Variants in TANGO6 observed in about 807,000 individuals in gnomAD.
TANGO6 encodes the protein transport and golgi organization 6 homolog, also known as transport and Golgi organization protein 6 homolog.
Under a neutral mutation model 114.2 loss-of-function variants are expected in TANGO6, and 90 were observed. The observed-to-expected ratio is 0.79, with a 90% confidence interval of 0.66 to 0.94. TANGO6 has a LOEUF of 0.94. Ranked by LOEUF, TANGO6 falls within the 40% of genes least tolerant of loss-of-function variation. The pLI is 0.00. For synonymous variants in TANGO6, 477 were observed against 509.8 expected (o/e 0.94, Z 0.87); for missense variants, 1,274 against 1,315.3 (o/e 0.97, Z 0.49).
At chr16:69,020,643 T>C (rs563501928) in intron 15 of TANGO6, among the ~76,000 whole-genome samples, 1 of 152,274 alleles carries the variant, frequency 6.6e-6, no homozygotes, top group South Asian at 2.1e-4. Flanking sequence ...TTTATGCTTG[T>C]AATCCTAACA....
intron 11 of TANGO6, among the ~76,000 whole-genome samples, chr16:68,913,197 C>G (rs1962949482): frequency 6.6e-6 from 1 of 151,864 alleles, no homozygotes; most frequent in South Asian, 2.1e-4. Flanking sequence ...TCTCAAATAG[C>G]TGGGACTACA....
chr16:68,962,147 T>G (rs1214183868), intron 14 of TANGO6, among the ~76,000 whole-genome samples: 1 of 152,248 alleles, frequency 6.6e-6, no homozygotes, highest in African/African-American at 2.4e-5. Context: ...CCATACTTCC[T>G]TTATTTAATA....
At chr16:68,936,842 A>G (rs934062994) in intron 14 of TANGO6, among the ~76,000 whole-genome samples, 4 of 152,078 alleles carry the variant, frequency 2.6e-5, no homozygotes, top group Non-Finnish European at 5.9e-5. Context: ...CTCTGGGCCA[A>G]CCATGGGAGG....
intron 1 of TANGO6, among the ~76,000 whole-genome samples, chr16:68,854,887 T>A (rs527315393): frequency 8.5e-5 from 13 of 152,276 alleles, no homozygotes; most frequent in African/African-American, 3.1e-4. Flanking sequence ...GTTCTGGGTC[T>A]TATAGGTTTC....
intron 14 of TANGO6, among the ~76,000 whole-genome samples, chr16:68,966,739 G>A (rs190168631): frequency 1.3e-5 from 2 of 151,382 alleles, no homozygotes; most frequent in Admixed American, 1.3e-4. Flanking sequence ...AAGTAGTTAG[G>A]ACTAGAGGCA....
intron 9 of TANGO6, among the ~76,000 whole-genome samples, chr16:68,907,031 G>A (rs780976561): frequency 7.9e-5 from 12 of 151,672 alleles, no homozygotes; most frequent in Admixed American, 6.6e-4. Context: ...CTGACCTCAG[G>A]TGATCCACCC....
At chr16:69,065,823 T>C (rs968089919) in intron 17 of TANGO6, among the ~76,000 whole-genome samples, 1 of 152,170 alleles carries the variant, frequency 6.6e-6, no homozygotes, top group Non-Finnish European at 1.5e-5. Context: ...TTGGCCCTAA[T>C]TTCTTTTTCA....
At chr16:68,930,602 T>C (rs951308363) in intron 14 of TANGO6, among the ~76,000 whole-genome samples, 2 of 151,960 alleles carry the variant, frequency 1.3e-5, no homozygotes, top group South Asian at 2.1e-4. Flanking sequence ...TGAACTCTTA[T>C]CACATTAACC....
chr16:68,993,666 A>G (rs573834320), intron 15 of TANGO6, among the ~76,000 whole-genome samples: 4 of 152,352 alleles, frequency 2.6e-5, no homozygotes, highest in African/African-American at 9.6e-5. Flanking sequence ...CAATATTACG[A>G]GGCTAACCAA....
At chr16:68,916,878 C>T (rs1486570039) in intron 11 of TANGO6, among the ~76,000 whole-genome samples, 3 of 152,178 alleles carry the variant, frequency 2.0e-5, no homozygotes, top group Non-Finnish European at 4.4e-5. Context: ...CAGAGTGATG[C>T]ATTTTTTGCA....
At chr16:68,859,846 C>T (rs1962060977) in intron 1 of TANGO6, 38 bp from the exon 2 acceptor site, 2 of 1,515,520 alleles carry the variant, frequency 1.3e-6, no homozygotes, top group East Asian at 4.5e-5. Flanking sequence ...AGCTTGTTTT[C>T]TATGTGTATA....
At chr16:69,073,965 A>AG (rs1800590471) in intron 17 of TANGO6, among the ~76,000 whole-genome samples, 1 of 151,718 alleles carries the variant, frequency 6.6e-6, no homozygotes, top group South Asian at 2.1e-4. Context: ...CATCTTAAAA[A>AG]AAAAAAAAAA....
chr16:68,907,381 G>T, intron 9 of TANGO6, 62 bp from the exon 10 acceptor site: 1 of 1,475,318 alleles, frequency 6.8e-7, no homozygotes, highest in Non-Finnish European at 9.0e-7. Context: ...GATTGTTATG[G>T]GGTTTAAAAT....
chr16:68,978,873 T>TA (rs144967748), intron 15 of TANGO6, among the ~76,000 whole-genome samples: 97 of 148,428 alleles, frequency 6.5e-4, no homozygotes, highest in Middle Eastern at 7.0e-3. Flanking sequence ...TTCTTTCCAT[T>TA]AAAAAAAAAT....
intron 12 of TANGO6, among the ~76,000 whole-genome samples, chr16:68,925,937 T>C (rs1963161548): frequency 6.6e-6 from 1 of 151,236 alleles, no homozygotes; most frequent in Non-Finnish European, 1.5e-5. Flanking sequence ...TTTTTTTCCA[T>C]TTAAAGCCTT....
rs1175561720 is a variant in TANGO6 at position 69,012,556 on chromosome 16, CAAAAAAA to C, written c.2843-10256_2843-10250del. Among the ~76,000 whole-genome samples the C allele has an allele frequency of 9.9e-4, 36 of 36,510 alleles. 1 individual carries two copies. Among genetic ancestry groups the C allele is most frequent in the Admixed American group, 4.4e-3 (12 of 2,710 alleles). The allele number at this position is 36,510 out of a possible 152,430, so 24.0% of individuals were successfully genotyped here. ...GGGCAACAAGAGCGAAACTCTGTCT[CAAAAAAA>C]AAAAAAAAAAAAAAAGGAAAAAAAA... On this transcript the variant is annotated intron_variant, in intron 15 of 17. Coordinates refer to ENST00000261778, the MANE Select transcript of TANGO6 (RefSeq NM_024562.2).
At chr16:68,936,010 G>C (rs1963295815) in intron 14 of TANGO6, among the ~76,000 whole-genome samples, 2 of 151,954 alleles carry the variant, frequency 1.3e-5, no homozygotes, top group Admixed American at 1.3e-4. Context: ...GTGAGACCTT[G>C]TCTCCACACA....
At position 68,909,353 on chromosome 16, in the gene TANGO6, C is replaced by G. The variant is rs748897130; in HGVS notation, c.1943C>G (p.Ala648Gly). The change falls in exon 11 of 18, where the codon GCT (alanine) becomes GGT (glycine). Residue 648 changes from alanine to glycine, a missense_variant. Coordinates refer to ENST00000261778, the MANE Select transcript of TANGO6 (RefSeq NM_024562.2). The part of the protein sequence containing the change: ...ERKLLVLQLM[A>G]VLCERMSEQI... ...AAGCTGCTTGTCCTGCAGCTGATGG[C>G]TGTTCTGTGCGAGAGAATGTCTGAG... 40 of 1,601,776 alleles carry G rather than the reference C, an allele frequency of 2.5e-5. No homozygotes were observed. Among genetic ancestry groups the G allele is most frequent in the Non-Finnish European group, 3.3e-5 (39 of 1,172,992 alleles).
chr16:68,974,328 A>G lies in TANGO6; in HGVS notation c.2842+160A>G, dbSNP rs115710248. Among the ~76,000 whole-genome samples the G allele has an allele frequency of 8.7e-3, 1,330 of 152,258 alleles. 21 individuals are homozygous for G. The highest frequency in any genetic ancestry group is 0.031 in the African/African-American group (1,268 of 41,556). ...GAATTTAGGAAATATTCCGATGTCT[A>G]CTATGAGACTGAAAGCAACAATGTC... On this transcript the variant is annotated intron_variant, in intron 15 of 17. Transcript: ENST00000261778.
Sources: gnomAD v4.1 joint callset for allele counts (sites outside exome capture counted in the v4.1 genomes callset) on GRCh38, gnomAD v4.1.1 for gene constraint, MANE v1.5 for transcripts, NCBI Gene and HGNC (gene_info 2026-07-23, HGNC 2026-07-21) for gene names.